DTWD2: variants seen among roughly 807,000 people sequenced by gnomAD.
The protein encoded by DTWD2 is tRNA-uridine aminocarboxypropyltransferase 2.
DTWD2 carries 39 observed loss-of-function variants against 31.8 expected under a neutral mutation model. The ratio of observed to expected loss-of-function variants is 1.22; its 90% CI spans 0.95 to 1.60. The LOEUF (loss-of-function observed/expected upper bound fraction) is 1.60, where lower values mean the gene tolerates loss of function less well. DTWD2 is among the 40% of genes most tolerant of loss of function. The pLI, the probability that DTWD2 is intolerant of heterozygous loss-of-function variation, is 0.00. For missense variants in DTWD2, 515 were observed against 381.5 expected (o/e 1.35, Z -2.92); for synonymous variants, 180 against 142.8 (o/e 1.26, Z -1.86).
chr5:118,870,383 GTTAT>G (rs909237011), intron 4 of DTWD2, among the ~76,000 whole-genome samples: 3 of 152,086 alleles, frequency 2.0e-5, no homozygotes, highest in African/African-American at 7.2e-5. Context: ...TGATTGGTTG[GTTAT>G]TTCTTTGTAT....
chr5:118,936,211 C>G (rs1754041525), intron 3 of DTWD2, among the ~76,000 whole-genome samples: 1 of 152,022 alleles, frequency 6.6e-6, no homozygotes, highest in South Asian at 2.1e-4. Context: ...CACAATATAA[C>G]AGAATTGGTG....
intron 4 of DTWD2, among the ~76,000 whole-genome samples, chr5:118,914,136 G>A (rs899204674): frequency 6.6e-6 from 1 of 152,126 alleles, no homozygotes; most frequent in Non-Finnish European, 1.5e-5. Flanking sequence ...TGGTTTAAAT[G>A]TGTCCCCTAG....
chr5:118,899,767 C>G (rs1753162619), intron 4 of DTWD2, among the ~76,000 whole-genome samples: 2 of 149,418 alleles, frequency 1.3e-5, no homozygotes, highest in African/African-American at 4.9e-5. Context: ...GAAATTGAAT[C>G]ATTGAATCAT....
At chr5:118,977,330 T>C (rs569207055) in intron 1 of DTWD2, among the ~76,000 whole-genome samples, 12 of 152,334 alleles carry the variant, frequency 7.9e-5, no homozygotes, top group African/African-American at 2.6e-4. Flanking sequence ...TTGGAAGTTC[T>C]GGTCAGGGCA....
intron 4 of DTWD2, among the ~76,000 whole-genome samples, chr5:118,851,812 A>C (rs1752013934): frequency 6.6e-6 from 1 of 151,182 alleles, no homozygotes; most frequent in African/African-American, 2.4e-5. Context: ...CACATTGTGC[A>C]CATGTACCCT....
At chr5:118,885,093 A>G (rs1302582622) in intron 4 of DTWD2, among the ~76,000 whole-genome samples, 4 of 151,272 alleles carry the variant, frequency 2.6e-5, no homozygotes, top group African/African-American at 9.7e-5. Flanking sequence ...AGGACTGCTT[A>G]AGCCCAAGAG....
chr5:118,841,602 G>C (rs1377715574), intron 5 of DTWD2, among the ~76,000 whole-genome samples: 1 of 152,094 alleles, frequency 6.6e-6, no homozygotes, highest in East Asian at 1.9e-4. Flanking sequence ...CCCAGGTCTT[G>C]GTGCGTTTGA....
At chr5:118,975,355 G>A (rs1349904290) in intron 1 of DTWD2, among the ~76,000 whole-genome samples, 2 of 152,080 alleles carry the variant, frequency 1.3e-5, no homozygotes, top group Non-Finnish European at 2.9e-5. Flanking sequence ...AAGTTCTCAT[G>A]CTGTGTATTT....
intron 4 of DTWD2, among the ~76,000 whole-genome samples, chr5:118,916,797 T>C (rs888460839): frequency 6.6e-5 from 10 of 152,172 alleles, no homozygotes; most frequent in African/African-American, 9.7e-5. Context: ...ATTTTAGTCA[T>C]AGTTATTACT....
chr5:118,844,123 T>C (rs1374478803), intron 5 of DTWD2, among the ~76,000 whole-genome samples: 1 of 152,178 alleles, frequency 6.6e-6, no homozygotes, highest in Non-Finnish European at 1.5e-5. Flanking sequence ...GAGAGATGCA[T>C]AAACTTTTGT....
chr5:118,982,417 G>A (rs2149604459), intron 1 of DTWD2, among the ~76,000 whole-genome samples: 1 of 152,154 alleles, frequency 6.6e-6, no homozygotes, highest in Middle Eastern at 3.4e-3. Context: ...ATTCCCTCTT[G>A]ACATATATCA....
intron 3 of DTWD2, among the ~76,000 whole-genome samples, chr5:118,937,316 G>A (rs1754064607): frequency 6.7e-6 from 1 of 149,340 alleles, no homozygotes. Flanking sequence ...GTATAACATG[G>A]TTATTACAGT....
chr5:118,928,030 G>A (rs1484299715), intron 4 of DTWD2, among the ~76,000 whole-genome samples: 2 of 151,896 alleles, frequency 1.3e-5, no homozygotes, highest in Non-Finnish European at 2.9e-5. Context: ...TATAAGAATG[G>A]ACCAATATTA....
At chr5:118,962,327 G>A (rs1754725145) in intron 1 of DTWD2, among the ~76,000 whole-genome samples, 1 of 152,140 alleles carries the variant, frequency 6.6e-6, no homozygotes, top group Non-Finnish European at 1.5e-5. Flanking sequence ...GAATACAATA[G>A]TGCTACAAAT....
At chr5:118,885,758 C>T (rs2149557119) in intron 4 of DTWD2, among the ~76,000 whole-genome samples, 1 of 150,252 alleles carries the variant, frequency 6.7e-6, no homozygotes, top group East Asian at 1.9e-4. Context: ...AAGAGTGAAA[C>T]TCTGTATTTA....
intron 1 of DTWD2, among the ~76,000 whole-genome samples, chr5:118,957,936 G>GTATA (rs1434425301): frequency 1.3e-5 from 2 of 152,056 alleles, no homozygotes; most frequent in East Asian, 3.8e-4. Flanking sequence ...CTAGTTTTGT[G>GTATA]TATGTTTTAT....
intron 1 of DTWD2, chr5:118,974,129 GC>G: frequency 6.4e-7 from 1 of 1,570,122 alleles, no homozygotes; most frequent in South Asian, 1.2e-5. Flanking sequence ...TGACTAGACA[GC>G]AAAAAAGGAA....
In DTWD2 at chr5:118,947,119, G is replaced by C. The variant is rs1183001902; in HGVS notation, c.219-2470C>G. ...CGCCTGGTGGGACGGGGAGCAGCAGGTGAGCAAGTGCAGGAGCCAGAGCTA... is the reference window on the plus strand; with the variant it reads ...CGCCTGGTGGGACGGGGAGCAGCAGCTGAGCAAGTGCAGGAGCCAGAGCTA... On this transcript the variant is annotated intron_variant, in intron 1 of 5. Transcript: ENST00000510708. Among the ~76,000 whole-genome samples, 3 of 152,328 alleles carry C rather than the reference G, an allele frequency of 2.0e-5. No individual in the cohort carries two copies. In the East Asian group the frequency reaches 5.8e-4, roughly 29 times the overall value.
intron 3 of DTWD2, among the ~76,000 whole-genome samples, chr5:118,935,133 C>G (rs1049237197): frequency 6.6e-6 from 1 of 152,114 alleles, no homozygotes; most frequent in Admixed American, 6.6e-5. Context: ...CCCAAGCAGA[C>G]AGGGTTCAGA....
Sources: gnomAD v4.1 joint callset for allele counts (sites outside exome capture counted in the v4.1 genomes callset) on GRCh38, gnomAD v4.1.1 for gene constraint, MANE v1.5 for transcripts, NCBI Gene and HGNC (gene_info 2026-07-23, HGNC 2026-07-21) for gene names.